CCND3: variants seen among roughly 807,000 people sequenced by gnomAD.
CCND3 encodes the protein cyclin D3.
In CCND3, 9 loss-of-function variants were observed where a neutral mutation model predicts 28.7. The observed-to-expected ratio is 0.31, with a 90% confidence interval of 0.19 to 0.55. The LOEUF is 0.55. Ranked by LOEUF, CCND3 falls within the 20% of genes least tolerant of loss-of-function variation. CCND3 has a pLI of 0.93. For synonymous variants in CCND3, 164 were observed against 163.9 expected (o/e 1.00, Z 0.00); for missense variants, 315 against 385.8 (o/e 0.82, Z 1.54).
Position 42,035,371 on chromosome 6 carries a change from CTTTT to C in CCND3, c.-46+13126_-46+13129del, listed in dbSNP as rs551247776. 8.2e-4 allele frequency among the ~76,000 whole-genome samples: 125 copies of C among 152,174 alleles called. 1 individual carries two copies. Among genetic ancestry groups the C allele is most frequent in the African/African-American group, 3.0e-3 (124 of 41,528 alleles). ...CGTCACCCTAGTTTCTTTTCTTTTT[CTTTT>C]TTCTTTTTTTGAGACGGAGTCTCAC... On this transcript the variant is annotated intron_variant, in intron 1 of 4. Transcript: ENST00000372988.
At chr6:41,997,784 C>T (rs1762853490) in intron 1 of CCND3, among the ~76,000 whole-genome samples, 1 of 151,782 alleles carries the variant, frequency 6.6e-6, no homozygotes, top group South Asian at 2.1e-4. Context: ...CCAGAAGAGC[C>T]CCATGGGGAT....
At position 41,940,487 on chromosome 6, in the gene CCND3, C is replaced by T; in HGVS notation, c.297G>A (p.Leu99=). The T allele has an allele frequency of 6.2e-7, 1 of 1,614,106 alleles. No homozygotes were observed. ...GCATGCAGACCGCACCCAGGAGCTGCAACTGCGCCTTTCGGGTGGGGACGC... is the reference window on the plus strand; with the variant it reads ...GCATGCAGACCGCACCCAGGAGCTGTAACTGCGCCTTTCGGGTGGGGACGC... ...LSCVPTRKAQ[L]QLLGAVCMLL... is the part of the protein sequence containing the mutation. The change falls in exon 2 of 5, where the codon TTG becomes TTA. Residue 99 remains leucine, a synonymous_variant. Transcript: ENST00000372991.
upstream of CCND3, among the ~76,000 whole-genome samples, chr6:41,944,939 A>C (rs1272545873): frequency 6.6e-6 from 1 of 152,176 alleles, no homozygotes; most frequent in Admixed American, 6.5e-5. Flanking sequence ...AGGTGAGCTC[A>C]ATGCAGGACC....
intron 1 of CCND3, among the ~76,000 whole-genome samples, chr6:41,958,388 C>T (rs1776491799): frequency 6.6e-6 from 1 of 152,120 alleles, no homozygotes; most frequent in Admixed American, 6.6e-5. Context: ...ATACTTCCCC[C>T]AAACTCGAAA....
intron 1 of CCND3, among the ~76,000 whole-genome samples, chr6:42,028,779 A>G (rs1763957981): frequency 6.6e-6 from 1 of 152,218 alleles, no homozygotes; most frequent in Non-Finnish European, 1.5e-5. Flanking sequence ...GCTGTTGAGA[A>G]GAAGGAATGA....
At chr6:42,037,039 C>T (rs1425473691) in intron 1 of CCND3, among the ~76,000 whole-genome samples, 1 of 151,826 alleles carries the variant, frequency 6.6e-6, no homozygotes, top group Non-Finnish European at 1.5e-5. Flanking sequence ...CTCGGGTTCA[C>T]GCCATTCTCC....
chr6:41,946,404 T>G (rs550467256), upstream of CCND3, among the ~76,000 whole-genome samples: 2 of 151,258 alleles, frequency 1.3e-5, no homozygotes, highest in East Asian at 3.9e-4. Flanking sequence ...TGAGACCGCC[T>G]GGCCAACACA....
At chr6:41,954,953 C>T (rs1776403573) in intron 1 of CCND3, among the ~76,000 whole-genome samples, 1 of 152,134 alleles carries the variant, frequency 6.6e-6, no homozygotes, top group Non-Finnish European at 1.5e-5. Context: ...TGTTATTAAG[C>T]TGCTGAATTA....
At chr6:42,020,244 T>C (rs1471863162) in intron 1 of CCND3, among the ~76,000 whole-genome samples, 1 of 151,802 alleles carries the variant, frequency 6.6e-6, no homozygotes, top group African/African-American at 2.4e-5. Flanking sequence ...ATCGTGCCAC[T>C]GCACTCCAGC....
intron 1 of CCND3, among the ~76,000 whole-genome samples, chr6:41,978,141 G>A (rs571469577): frequency 1.2e-3 from 189 of 152,144 alleles, no homozygotes; most frequent in Middle Eastern, 3.4e-3. Context: ...TTGGGAGGCC[G>A]AGACGGGTGG....
chr6:42,042,268 C>G (rs1764389226), intron 1 of CCND3, among the ~76,000 whole-genome samples: 1 of 152,122 alleles, frequency 6.6e-6, no homozygotes, highest in Non-Finnish European at 1.5e-5. Context: ...ATAATGACAG[C>G]AGCTATCACT....
intron 1 of CCND3, among the ~76,000 whole-genome samples, chr6:41,999,977 C>T (rs898324448): frequency 1.3e-5 from 2 of 151,954 alleles, no homozygotes; most frequent in East Asian, 3.8e-4. Flanking sequence ...ACACAAAATT[C>T]GGTAGGGATT....
upstream of CCND3, among the ~76,000 whole-genome samples, chr6:42,049,319 G>A (rs375153237): frequency 2.0e-5 from 3 of 152,298 alleles, no homozygotes; most frequent in African/African-American, 7.2e-5. Flanking sequence ...TTACAGGCGA[G>A]AGCCACCGCG....
At chr6:42,045,311 T>C (rs6942118) in intron 1 of CCND3, among the ~76,000 whole-genome samples, 96,351 of 152,066 alleles carry the variant, frequency 0.63, 30,636 homozygotes, top group Non-Finnish European at 0.66. Flanking sequence ...CCTCGTTCAA[T>C]TCCAAGCTCT....
chr6:41,959,174 A>G (rs1202851295), intron 1 of CCND3, among the ~76,000 whole-genome samples: 1 of 152,032 alleles, frequency 6.6e-6, no homozygotes, highest in Non-Finnish European at 1.5e-5. Context: ...ATTAGCTGGG[A>G]GTGATAGCGC....
At chr6:41,992,725 G>T (rs569263572) in intron 1 of CCND3, among the ~76,000 whole-genome samples, 3 of 152,116 alleles carry the variant, frequency 2.0e-5, no homozygotes, top group African/African-American at 2.4e-5. Context: ...GGGATTACAG[G>T]TGTGAGCCAC....
At chr6:41,947,405 T>C (rs6913232) in intron 1 of CCND3, among the ~76,000 whole-genome samples, 89,459 of 151,724 alleles carry the variant, frequency 0.59, 26,829 homozygotes, top group African/African-American at 0.72. Flanking sequence ...TTAAACTCAA[T>C]TTCTCCAAAA....
intron 1 of CCND3, among the ~76,000 whole-genome samples, chr6:42,041,059 CTT>C (rs1482975295): frequency 6.6e-6 from 1 of 152,166 alleles, no homozygotes. Context: ...TCACCAACAT[CTT>C]GAGTGCCATG....
intron 1 of CCND3, among the ~76,000 whole-genome samples, chr6:42,036,062 C>T (rs892288052): frequency 6.7e-5 from 10 of 148,268 alleles, no homozygotes; most frequent in Middle Eastern, 7.3e-3. Context: ...CCAATGTTAG[C>T]TTGCTGCGCA....
Sources: allele counts gnomAD v4.1 joint callset (sites outside exome capture counted in the v4.1 genomes callset), GRCh38; gene constraint gnomAD v4.1.1; transcripts MANE v1.5; gene names NCBI Gene and HGNC (gene_info 2026-07-23, HGNC 2026-07-21).